Variants in MYOCD observed in about 807,000 individuals in gnomAD.
MYOCD encodes the protein myocardin.
MYOCD carries 32 observed loss-of-function variants against 96.1 expected under a neutral mutation model. The observed-to-expected ratio is 0.33, with a 90% CI of 0.25 to 0.45. The LOEUF (loss-of-function observed/expected upper bound fraction) is 0.45, where lower values mean the gene tolerates loss of function less well. MYOCD is among the 20% of genes least tolerant of loss of function. The pLI is 1.00. For missense variants in MYOCD, 1,133 were observed against 1,200.6 expected (o/e 0.94, Z 0.83); for synonymous variants, 469 against 469.0 (o/e 1.00, Z 0.00).
Position 12,762,842 on chromosome 17 carries a change from A to G in MYOCD, c.2390-231A>G, listed in dbSNP as rs533079804. 13 of 521,226 alleles carry G rather than the reference A, an allele frequency of 2.5e-5. No homozygotes were observed. In the East Asian group the frequency reaches 2.6e-4, roughly 10 times the overall value. 32.3% of individuals were successfully genotyped at this position (521,226 alleles called of 1,614,324 possible). A position where few individuals can be genotyped will look rare whatever the true frequency, so the allele number is the denominator to read the frequency against. On this transcript the variant is annotated intron_variant, in intron 13 of 13. Transcript: ENST00000425538. Reference sequence around the variant, plus strand: ...TCAGAGGAGTAGGCCAGGAACCTTCAGAGAAGAGAGTTTAATAATCACAGA... The same window carrying G: ...TCAGAGGAGTAGGCCAGGAACCTTCGGAGAAGAGAGTTTAATAATCACAGA...
At chr17:12,740,536 G>T (rs2032476282) in intron 7 of MYOCD, among the ~76,000 whole-genome samples, 1 of 152,116 alleles carries the variant, frequency 6.6e-6, no homozygotes, top group African/African-American at 2.4e-5. Flanking sequence ...ATTCCATGTT[G>T]TATATGTACC....
chr17:12,757,990 A>G (rs991552107), intron 11 of MYOCD, 95 bp from the exon 12 acceptor site: 4 of 964,810 alleles, frequency 4.1e-6, no homozygotes, highest in African/African-American at 1.6e-5. Flanking sequence ...TCTTAGATCA[A>G]TTTTTCCAAA....
intron 1 of MYOCD, among the ~76,000 whole-genome samples, chr17:12,690,994 A>G (rs945596156): frequency 4.6e-5 from 7 of 152,192 alleles, no homozygotes; most frequent in Admixed American, 2.6e-4. Flanking sequence ...TTTAACTCCC[A>G]ACAACTTCCT....
At chr17:12,733,856 A>G (rs2032253947) in intron 5 of MYOCD, among the ~76,000 whole-genome samples, 1 of 139,330 alleles carries the variant, frequency 7.2e-6, no homozygotes. Context: ...ACAGAGCAAG[A>G]CTCCGTCTCA....
chr17:12,699,034 G>A (rs547367925), intron 1 of MYOCD, among the ~76,000 whole-genome samples: 7 of 151,918 alleles, frequency 4.6e-5, no homozygotes, highest in South Asian at 2.1e-4. Flanking sequence ...GAGCCACCGC[G>A]CCCGGCCCCA....
intron 9 of MYOCD, among the ~76,000 whole-genome samples, chr17:12,751,379 T>G (rs2032848829): frequency 6.6e-6 from 1 of 152,064 alleles, no homozygotes; most frequent in Non-Finnish European, 1.5e-5. Context: ...CAACAATTAA[T>G]CATCCAATGT....
Position 12,749,635 on chromosome 17 carries a change from G to A in MYOCD, c.1126-2779G>A, listed in dbSNP as rs887992562. On this transcript the variant is annotated intron_variant, in intron 9 of 13. Transcript: ENST00000425538. ...CACATGTCTCAAAACCTATATATAC[G>A]TGTGTATATATACACACGTATATAT... Among the ~76,000 whole-genome samples, 3 of 134,160 alleles carry A rather than the reference G, an allele frequency of 2.2e-5. No homozygotes were observed. In the East Asian group the frequency reaches 9.3e-4, roughly 42 times the overall value. The allele number at this position is 134,160 out of a possible 152,430, so 88.0% of individuals were successfully genotyped here.
At chr17:12,756,695 C>CAAA (rs11307445) in intron 11 of MYOCD, 138 bp downstream of exon 11, 11 of 142,212 alleles carry the variant, frequency 7.7e-5, no homozygotes, top group East Asian at 3.7e-4. Context: ...GACTGCATCT[C>CAAA]AAAAAAAAAA....
rs143208611 is a variant in MYOCD at position 12,739,290 on chromosome 17, C to A, written c.679C>A (p.Pro227Thr). The change falls in exon 7 of 14, where the codon CCC becomes ACC. Residue 227 changes from proline to threonine, a missense_variant. Pro to Thr is a conservative substitution (Grantham distance 38, BLOSUM62 -1). Transcript: ENST00000425538. ...QSDAGKQGLG[P>T]PSTPIAVHAA... ...AGATGCGGGGAAGCAGGGGCTTGGC[C>A]CCCCCAGCACCCCCATAGCCGTGCA... The A allele has an allele frequency of 4.5e-5, 73 of 1,607,972 alleles. No homozygotes were observed. Among genetic ancestry groups the A allele is most frequent in the South Asian group, 3.3e-4 (30 of 89,634 alleles).
At chr17:12,757,124 A>G (rs1377513844) in intron 11 of MYOCD, among the ~76,000 whole-genome samples, 1 of 152,194 alleles carries the variant, frequency 6.6e-6, no homozygotes, top group Non-Finnish European at 1.5e-5. Context: ...ACAGGATTGG[A>G]GAGATGTGCA....
chr17:12,727,186 G>A (rs1195119344), intron 5 of MYOCD, among the ~76,000 whole-genome samples: 1 of 152,166 alleles, frequency 6.6e-6, no homozygotes, highest in Non-Finnish European at 1.5e-5. Flanking sequence ...CAAAAGGAAT[G>A]GCTAGAGAAA....
chr17:12,722,791 G>A, intron 4 of MYOCD, 56 bp from the exon 5 acceptor site: 3 of 1,454,538 alleles, frequency 2.1e-6, no homozygotes, highest in Non-Finnish European at 2.8e-6. Flanking sequence ...AAACAAAAAA[G>A]AGAGAGACAG....
At position 12,763,186 on chromosome 17, in the gene MYOCD, C is replaced by A. The variant is rs1206794522; in HGVS notation, c.2503C>A (p.Gln835Lys). The part of the protein sequence containing the change: ...VLTKPSASFE[Q>K]ASSGSQIPFD... Reference sequence around the variant, plus strand: ...CACCAAGCCCTCGGCTTCCTTTGAACAAGCCTCTTCAGGCAGCCAGATCCC... The same window carrying A: ...CACCAAGCCCTCGGCTTCCTTTGAAAAAGCCTCTTCAGGCAGCCAGATCCC... The change falls in exon 14 of 14, where the codon CAA (glutamine) becomes AAA (lysine). Residue 835 changes from glutamine to lysine, a missense_variant. Transcript: ENST00000425538. 8 of 1,614,056 alleles carry A rather than the reference C, an allele frequency of 5.0e-6. No individual in the cohort carries two copies. Among genetic ancestry groups the A allele is most frequent in the Non-Finnish European group, 6.8e-6 (8 of 1,180,036 alleles).
At chr17:12,710,100 A>G in intron 2 of MYOCD, among the ~76,000 whole-genome samples, 1 of 152,086 alleles carries the variant, frequency 6.6e-6, no homozygotes, top group East Asian at 1.9e-4. Context: ...GGGGCCCCAA[A>G]CCACCCCCAT....
chr17:12,749,903 G>T (rs1161406806), intron 9 of MYOCD, among the ~76,000 whole-genome samples: 2 of 151,964 alleles, frequency 1.3e-5, no homozygotes, highest in African/African-American at 4.8e-5. Context: ...AGGCTGGAGT[G>T]CAGTGGCCGG....
At chr17:12,680,385 C>A (rs867527652) in intron 1 of MYOCD, among the ~76,000 whole-genome samples, 1 of 152,078 alleles carries the variant, frequency 6.6e-6, no homozygotes, top group African/African-American at 2.4e-5. Flanking sequence ...GGTATAGAAA[C>A]GGGAATGACC....
At chr17:12,698,481 C>T (rs139856826) in intron 1 of MYOCD, among the ~76,000 whole-genome samples, 91 of 152,250 alleles carry the variant, frequency 6.0e-4, no homozygotes, top group Middle Eastern at 3.4e-3. Flanking sequence ...TAGCATGTTA[C>T]GGTCATGAGA....
intron 1 of MYOCD, among the ~76,000 whole-genome samples, chr17:12,674,071 G>A (rs945633602): frequency 1.3e-5 from 2 of 152,186 alleles, no homozygotes; most frequent in African/African-American, 4.8e-5. Context: ...CCTATTATCT[G>A]TGGGCACCTT....
At chr17:12,715,599 C>A (rs1456170731) in intron 3 of MYOCD, 25 bp downstream of exon 3, 2 of 1,577,476 alleles carry the variant, frequency 1.3e-6, no homozygotes, top group African/African-American at 1.3e-5. Flanking sequence ...TTTCTTGACC[C>A]AAGCTTAGAC....
Sources: allele counts gnomAD v4.1 joint callset (sites outside exome capture counted in the v4.1 genomes callset), GRCh38; gene constraint gnomAD v4.1.1; transcripts MANE v1.5; gene names NCBI Gene and HGNC (gene_info 2026-07-23, HGNC 2026-07-21).